The following COBL variants were observed in gnomAD, a reference collection of about 807,000 sequenced individuals.
COBL encodes the protein cordon-bleu WH2 repeat protein, also known as protein cordon-bleu.
Under a neutral mutation model 98.8 loss-of-function variants are expected in COBL, and 51 were observed. That is an observed-to-expected ratio of 0.52 (90% CI 0.41 to 0.65). COBL has a LOEUF of 0.65. Among genes scored for constraint, COBL ranks in the 30% least tolerant of loss-of-function variants. The probability of loss-of-function intolerance (pLI) is 0.00; values close to 1 mark genes in which losing one functional copy is unlikely to be tolerated. For missense variants in COBL, 1,617 were observed against 1,617.5 expected (o/e 1.00, Z 0.01); for synonymous variants, 634 against 651.7 (o/e 0.97, Z 0.41).
intron 6 of COBL, among the ~76,000 whole-genome samples, chr7:51,124,170 GTCTC>G (rs1428494754): frequency 6.6e-6 from 1 of 152,176 alleles, no homozygotes; most frequent in Admixed American, 6.5e-5. Flanking sequence ...CTGTTGCTGG[GTCTC>G]TCTAATTGCT....
At chr7:51,290,094 A>G (rs1239381640) in intron 1 of COBL, among the ~76,000 whole-genome samples, 1 of 152,230 alleles carries the variant, frequency 6.6e-6, no homozygotes, top group Non-Finnish European at 1.5e-5. Context: ...GAGCAGCAGT[A>G]ACCTTAGGGT....
chr7:51,159,569 T>C (rs1441710153), intron 5 of COBL, among the ~76,000 whole-genome samples: 3 of 152,172 alleles, frequency 2.0e-5, no homozygotes, highest in Admixed American at 6.5e-5. Flanking sequence ...AAAGGAAACA[T>C]AGACAGTGGA....
chr7:51,081,091 G>C (rs558090641), intron 7 of COBL, among the ~76,000 whole-genome samples: 62 of 151,120 alleles, frequency 4.1e-4, no homozygotes, highest in African/African-American at 1.5e-3. Context: ...GGAGCGCGGG[G>C]CAGGAGCGGG....
rs77078157 is a variant in COBL at position 51,298,195 on chromosome 7, C to T, written c.41+18398G>A. On this transcript the variant is annotated intron_variant, in intron 1 of 12. Coordinates refer to ENST00000265136, the MANE Select transcript of COBL (RefSeq NM_015198.5). ...ATGGCAAAGAGCTGAGGCATCCTGA[C>T]AAAAGTTGGCAAAAACTGAGCCACT... Among the ~76,000 whole-genome samples, 193 of 152,316 alleles carry T rather than the reference C, an allele frequency of 1.3e-3. 1 individual carries two copies. The highest frequency in any genetic ancestry group is 4.5e-3 in the African/African-American group (188 of 41,574).
intron 1 of COBL, among the ~76,000 whole-genome samples, chr7:51,244,529 A>G (rs967683474): frequency 9.2e-5 from 14 of 152,138 alleles, no homozygotes; most frequent in African/African-American, 3.4e-4. Flanking sequence ...ATTTGACAAT[A>G]CAGAGGTACT....
rs74710990 is a variant in COBL, at chr7:51,092,412, G to A, written c.958-7108C>T. Among the ~76,000 whole-genome samples, 548 of 152,218 alleles carry A rather than the reference G, an allele frequency of 3.6e-3. 7 individuals are homozygous for A. The highest frequency in any genetic ancestry group is 0.012 in the African/African-American group (502 of 41,532). ...TCTTCTAGTAGCTTTATAGTTGCAG[G>A]CCTTACATTTAACTTTTTAAAAACC... is the stretch of plus-strand genomic sequence containing the variant. On this transcript the variant is annotated intron_variant, in intron 6 of 12. Transcript: ENST00000265136.
intron 7 of COBL, among the ~76,000 whole-genome samples, chr7:51,053,067 A>G (rs1170960937): frequency 1.3e-5 from 2 of 152,116 alleles, no homozygotes; most frequent in Non-Finnish European, 2.9e-5. Flanking sequence ...TTCCCAGCAC[A>G]TATATTTCTG....
At chr7:51,219,591 G>C in intron 2 of COBL, 150 bp downstream of exon 2, 1 of 766,944 alleles carries the variant, frequency 1.3e-6, no homozygotes, top group Non-Finnish European at 2.1e-6. Context: ...CCTGCTCTAA[G>C]TAGTCACTAA....
At chr7:51,133,339 C>T (rs566306885) in intron 6 of COBL, among the ~76,000 whole-genome samples, 3 of 152,324 alleles carry the variant, frequency 2.0e-5, no homozygotes, top group Non-Finnish European at 2.9e-5. Flanking sequence ...TTCTACAGCA[C>T]AGATGGATTC....
At chr7:51,089,087 C>G (rs2128946684) in intron 6 of COBL, among the ~76,000 whole-genome samples, 1 of 152,112 alleles carries the variant, frequency 6.6e-6, no homozygotes, top group East Asian at 1.9e-4. Context: ...TCAGCTCGTT[C>G]CACGGTCATG....
chr7:51,037,664 C>T (rs1325382387), intron 8 of COBL, among the ~76,000 whole-genome samples: 1 of 152,150 alleles, frequency 6.6e-6, no homozygotes, highest in Non-Finnish European at 1.5e-5. Context: ...GGGCTGAGCT[C>T]TTCCTTAGGA....
chr7:51,076,896 A>T (rs998345764), intron 7 of COBL, among the ~76,000 whole-genome samples: 1 of 152,222 alleles, frequency 6.6e-6, no homozygotes, highest in Non-Finnish European at 1.5e-5. Flanking sequence ...TAAATTGAGG[A>T]TCTGTAATTT....
chr7:51,188,780 A>G lies in COBL; in HGVS notation c.685+2070T>C, dbSNP rs772636639. Among the ~76,000 whole-genome samples the G allele has an allele frequency of 2.0e-5, 3 of 152,124 alleles. 1 individual carries two copies. The highest frequency in any genetic ancestry group is 4.4e-5 in the Non-Finnish European group (3 of 68,018). On this transcript the variant is annotated intron_variant, in intron 4 of 12. Transcript: ENST00000265136. ...GCTCTGGGCCCCTGACCACATGAAC[A>G]CTTCAGCTCCTACATTCCCAATGAC...
At chr7:51,048,167 AAAATAAAT>A (rs752092595) in intron 7 of COBL, among the ~76,000 whole-genome samples, 4 of 151,870 alleles carry the variant, frequency 2.6e-5, no homozygotes, top group Non-Finnish European at 5.9e-5. Flanking sequence ...CTCCATCTCA[AAAATAAAT>A]AAATAAATAA....
chr7:51,258,463 C>A lies in COBL; in HGVS notation c.42-38519G>T, dbSNP rs531128062. Among the ~76,000 whole-genome samples the A allele has an allele frequency of 2.0e-5, 3 of 152,274 alleles. No homozygotes were observed. In the South Asian group the frequency reaches 6.2e-4, roughly 32 times the overall value. On this transcript the variant is annotated intron_variant, in intron 1 of 12. Coordinates refer to ENST00000265136, the MANE Select transcript of COBL (RefSeq NM_015198.5). ...CTCCATGGAATGTACTGATTTCAGACGAGGCGGCAGCCAATGTAGAAAACA... is the reference window on the plus strand; with the variant it reads ...CTCCATGGAATGTACTGATTTCAGAAGAGGCGGCAGCCAATGTAGAAAACA...
intron 6 of COBL, among the ~76,000 whole-genome samples, chr7:51,105,675 C>T (rs1796193342): frequency 1.3e-5 from 2 of 151,056 alleles, no homozygotes; most frequent in African/African-American, 4.9e-5. Context: ...TGATTGAGCC[C>T]AGTAGTTCGA....
chr7:51,222,248 G>A (rs1227366537), intron 1 of COBL, among the ~76,000 whole-genome samples: 2 of 151,782 alleles, frequency 1.3e-5, no homozygotes, highest in Non-Finnish European at 2.9e-5. Context: ...CTATAAGTAG[G>A]TATAAATTCT....
At chr7:51,305,793 G>C in intron 1 of COBL, among the ~76,000 whole-genome samples, 1 of 103,142 alleles carries the variant, frequency 9.7e-6, no homozygotes, top group Non-Finnish European at 2.0e-5. Flanking sequence ...CCAGCCCTTT[G>C]GGAGGCCAAG....
intron 1 of COBL, among the ~76,000 whole-genome samples, chr7:51,305,535 T>C (rs1433303401): frequency 6.7e-6 from 1 of 148,502 alleles, no homozygotes; most frequent in Non-Finnish European, 1.5e-5. Flanking sequence ...CAATCAGTTC[T>C]AACAGAAGGA....
Sources: allele counts gnomAD v4.1 joint callset (sites outside exome capture counted in the v4.1 genomes callset), GRCh38; gene constraint gnomAD v4.1.1; transcripts MANE v1.5; gene names NCBI Gene and HGNC (gene_info 2026-07-23, HGNC 2026-07-21).